COL28A1: variants seen among roughly 807,000 people sequenced by gnomAD.
COL28A1 encodes collagen type XXVIII alpha 1 chain.
COL28A1 carries 161 observed loss-of-function variants against 150.2 expected under a neutral mutation model. The observed-to-expected ratio is 1.07, with a 90% confidence interval of 0.94 to 1.22. The LOEUF (loss-of-function observed/expected upper bound fraction) is 1.22, where lower values mean the gene tolerates loss of function less well. COL28A1 is among the 50% of genes most tolerant of loss of function. The pLI is 0.00. For synonymous variants in COL28A1, 552 were observed against 469.7 expected, an observed-to-expected ratio of 1.18 and a Z score of -2.26; for missense variants, 1,617 against 1,388.3, an observed-to-expected ratio of 1.16 and a Z score of -2.62.
intron 34 of COL28A1, among the ~76,000 whole-genome samples, chr7:7,359,711 G>C (rs1173100409): frequency 1.3e-5 from 2 of 152,114 alleles, no homozygotes; most frequent in Non-Finnish European, 1.5e-5. Context: ...CCCAGATTTG[G>C]GGTATGGCTC....
intron 27 of COL28A1, among the ~76,000 whole-genome samples, chr7:7,384,403 T>C (rs1782064547): frequency 6.6e-6 from 1 of 152,212 alleles, no homozygotes; most frequent in African/African-American, 2.4e-5. Context: ...CCCCTTTATC[T>C]GTACTTTCAT....
Position 7,474,587 on chromosome 7 carries a change from C to T in COL28A1, c.1302+14G>A, listed in dbSNP as rs1387139413. On this transcript the variant is annotated intron_variant, in intron 15 of 34. Transcript: ENST00000399429. ...ATTGGCATTGTTTCCAGTGTACACCCTATTATACAGTACCTTCTCCCCTTT... is the reference window on the plus strand; with the variant it reads ...ATTGGCATTGTTTCCAGTGTACACCTTATTATACAGTACCTTCTCCCCTTT... 1 of 1,019,598 alleles carries T rather than the reference C, an allele frequency of 9.8e-7. No individual in the cohort carries two copies. The highest frequency in any genetic ancestry group is 1.6e-6 in the Non-Finnish European group (1 of 637,508). The allele number at this position is 1,019,598 out of a possible 1,614,324, so 63.2% of individuals were successfully genotyped here.
At chr7:7,451,043 G>A (rs554060186) in intron 18 of COL28A1, among the ~76,000 whole-genome samples, 61 of 152,224 alleles carry the variant, frequency 4.0e-4, no homozygotes, top group African/African-American at 1.4e-3. Flanking sequence ...ATGATTATGT[G>A]TGAGGAGAGA....
intron 18 of COL28A1, among the ~76,000 whole-genome samples, chr7:7,448,856 G>A (rs1001070015): frequency 6.6e-6 from 1 of 151,922 alleles, no homozygotes; most frequent in African/African-American, 2.4e-5. Flanking sequence ...ATATCATATA[G>A]TATATAATTC....
At chr7:7,357,820 CA>C (rs1780412818), downstream of COL28A1, 1 of 152,162 alleles carries the variant, frequency 6.6e-6, no homozygotes, top group African/African-American at 2.4e-5. Context: ...GCTCACTTTT[CA>C]GTGTGAATCC....
intron 25 of COL28A1, 181 bp from the exon 26 acceptor site, chr7:7,420,134 A>G (rs951206308): frequency 2.6e-6 from 1 of 387,048 alleles, no homozygotes; most frequent in Admixed American, 4.3e-5. Flanking sequence ...ATCCAGGTCC[A>G]TTTCAAATTA....
At chr7:7,432,754 G>A in intron 23 of COL28A1, 54 bp from the exon 24 acceptor site, 1 of 1,416,912 alleles carries the variant, frequency 7.1e-7, no homozygotes, top group Non-Finnish European at 1.0e-6. Flanking sequence ...AAAACACCTG[G>A]TCAAACTTAA....
intron 11 of COL28A1, among the ~76,000 whole-genome samples, chr7:7,497,404 T>C (rs58798360): frequency 0.22 from 33,256 of 151,960 alleles, 5,178 homozygotes; most frequent in African/African-American, 0.45. Context: ...TAAGAAGTAG[T>C]TACTGTTATT....
In COL28A1 at chr7:7,532,772, G is replaced by A. The variant is rs747422099; in HGVS notation, c.104C>T (p.Ala35Val). 3 of 1,606,548 alleles carry A rather than the reference G, an allele frequency of 1.9e-6. No individual in the cohort carries two copies. Among genetic ancestry groups the A allele is most frequent in the South Asian group, 2.2e-5 (2 of 89,554 alleles). The change falls in exon 2 of 35, where the codon GCA becomes GTA. Residue 35 changes from alanine to valine, a missense_variant. Physicochemically the swap from Ala to Val is moderately conservative, Grantham distance 64. Coordinates refer to ENST00000399429, the MANE Select transcript of COL28A1 (RefSeq NM_001037763.3). ...TTTACCCTGGACATCACTTTTCCTT[G>A]CAAGCAAATTTGATTTTGGTCCTTT... Reference protein sequence around the residue: ...RKKGPKSNLLARKSDVQGSIC... With the variant: ...RKKGPKSNLLVRKSDVQGSIC...
Position 7,435,561 on chromosome 7 carries a change from G to A in COL28A1, c.1860+834C>T, listed in dbSNP as rs1042306856. On this transcript the variant is annotated intron_variant, in intron 23 of 34. Transcript: ENST00000399429. ...GAGGACTGTTAAAGCAATAAAAACAGGAGAGGCTCAAGATTCTCCCTTTAC... is the reference window on the plus strand; with the variant it reads ...GAGGACTGTTAAAGCAATAAAAACAAGAGAGGCTCAAGATTCTCCCTTTAC... 7.2e-5 allele frequency among the ~76,000 whole-genome samples: 11 copies of A among 152,236 alleles called. No homozygotes were observed. The South Asian group carries it at 1.9e-3, about 26-fold the overall frequency.
At chr7:7,434,883 A>C (rs755297800) in intron 23 of COL28A1, among the ~76,000 whole-genome samples, 41 of 152,176 alleles carry the variant, frequency 2.7e-4, no homozygotes, top group Non-Finnish European at 5.0e-4. Flanking sequence ...ATTAGGGTAA[A>C]AATGGAAACC....
At chr7:7,471,200 C>A (rs1215834871) in intron 15 of COL28A1, among the ~76,000 whole-genome samples, 2 of 148,770 alleles carry the variant, frequency 1.3e-5, no homozygotes, top group Non-Finnish European at 3.0e-5. Flanking sequence ...TCTTAACAGA[C>A]CAATAACAAG....
chr7:7,444,843 G>A (rs1786127340), intron 18 of COL28A1, among the ~76,000 whole-genome samples: 1 of 152,134 alleles, frequency 6.6e-6, no homozygotes, highest in Non-Finnish European at 1.5e-5. Context: ...TTGGCTCTGT[G>A]TCCCCACCCA....
intron 18 of COL28A1, among the ~76,000 whole-genome samples, chr7:7,449,263 T>C (rs773696045): frequency 1.3e-5 from 2 of 152,154 alleles, no homozygotes; most frequent in African/African-American, 2.4e-5. Flanking sequence ...CTGAAAACTC[T>C]GTAAATGTAA....
intron 27 of COL28A1, among the ~76,000 whole-genome samples, chr7:7,383,495 T>C (rs899139721): frequency 6.6e-6 from 1 of 151,796 alleles, no homozygotes; most frequent in Non-Finnish European, 1.5e-5. Flanking sequence ...GCCAGTCTGG[T>C]CTCAAACTCC....
chr7:7,451,454 G>A (rs994379179), intron 18 of COL28A1, among the ~76,000 whole-genome samples: 20 of 152,066 alleles, frequency 1.3e-4, no homozygotes, highest in South Asian at 1.2e-3. Context: ...TCGATCTCTC[G>A]ACCTTGTGAT....
chr7:7,519,313 T>A (rs1374429748), intron 6 of COL28A1, among the ~76,000 whole-genome samples: 1 of 152,168 alleles, frequency 6.6e-6, no homozygotes. Flanking sequence ...CCCCTATGAT[T>A]TAATTACCTC....
At chr7:7,382,985 G>A (rs1203549381) in intron 27 of COL28A1, among the ~76,000 whole-genome samples, 13 of 151,994 alleles carry the variant, frequency 8.6e-5, no homozygotes, top group East Asian at 5.8e-4. Flanking sequence ...CTTGTTCATT[G>A]GCTGTCAAGC....
chr7:7,447,797 C>T (rs1359952111), intron 18 of COL28A1, among the ~76,000 whole-genome samples: 1 of 152,060 alleles, frequency 6.6e-6, no homozygotes, highest in East Asian at 1.9e-4. Context: ...CTAAATTAAA[C>T]ACAGAGAGAA....
Sources: allele counts gnomAD v4.1 joint callset (sites outside exome capture counted in the v4.1 genomes callset), GRCh38; gene constraint gnomAD v4.1.1; transcripts MANE v1.5; gene names NCBI Gene and HGNC (gene_info 2026-07-23, HGNC 2026-07-21).